Variants in MYO3A observed in about 807,000 individuals in gnomAD.
MYO3A encodes the protein myosin-IIIa.
Under a neutral mutation model 192.7 loss-of-function variants are expected in MYO3A, and 180 were observed. That is an observed-to-expected ratio of 0.93 (90% CI 0.83 to 1.06). MYO3A has a LOEUF of 1.06. Among genes scored for constraint, MYO3A ranks in the 50% least tolerant of loss-of-function variants. MYO3A has a pLI of 0.00. For synonymous variants in MYO3A, 628 were observed against 645.3 expected (o/e 0.97, Z 0.41); for missense variants, 1,896 against 1,905.0 (o/e 1.00, Z 0.09).
intron 20 of MYO3A, among the ~76,000 whole-genome samples, chr10:26,132,517 A>G (rs1445164380): frequency 6.6e-6 from 1 of 152,232 alleles, no homozygotes; most frequent in Non-Finnish European, 1.5e-5. Flanking sequence ...CTTAAGGGCC[A>G]GTGAGCACCT....
chr10:25,945,457 T>C (rs1836773903), intron 2 of MYO3A, among the ~76,000 whole-genome samples: 1 of 152,156 alleles, frequency 6.6e-6, no homozygotes, highest in Non-Finnish European at 1.5e-5. Flanking sequence ...ACTGTGGATA[T>C]TGAAATCTAC....
At chr10:26,045,338 A>T (rs577293555) in intron 10 of MYO3A, among the ~76,000 whole-genome samples, 1 of 152,038 alleles carries the variant, frequency 6.6e-6, no homozygotes, top group East Asian at 1.9e-4. Flanking sequence ...TATGACACTT[A>T]TTGTACCCCT....
At chr10:25,974,860 A>G (rs1838878461) in intron 4 of MYO3A, among the ~76,000 whole-genome samples, 1 of 152,220 alleles carries the variant, frequency 6.6e-6, no homozygotes, top group Non-Finnish European at 1.5e-5. Context: ...AGAAAGAAAT[A>G]ATCAGTCTTA....
intron 10 of MYO3A, among the ~76,000 whole-genome samples, chr10:26,044,361 A>G (rs1564489164): frequency 1.3e-5 from 2 of 152,208 alleles, no homozygotes; most frequent in Admixed American, 6.5e-5. Flanking sequence ...TATGAGTTGC[A>G]GTCTTTGTGG....
intron 23 of MYO3A, 24 bp downstream of exon 23, chr10:26,147,583 A>G: frequency 1.2e-6 from 2 of 1,613,764 alleles, no homozygotes; most frequent in Non-Finnish European, 8.5e-7. Context: ...CCTTACCTGG[A>G]AGTTTTCTGA....
chr10:25,949,062 T>C (rs1046385876), intron 2 of MYO3A, among the ~76,000 whole-genome samples: 1 of 152,124 alleles, frequency 6.6e-6, no homozygotes, highest in African/African-American at 2.4e-5. Flanking sequence ...CTGAATCTTT[T>C]CCTGGTCAGT....
chr10:26,108,480 C>T (rs200758105), intron 17 of MYO3A, among the ~76,000 whole-genome samples: 30 of 152,186 alleles, frequency 2.0e-4, no homozygotes, highest in African/African-American at 4.6e-4. Flanking sequence ...TGCTAATAGA[C>T]GTGAAACTTT....
chr10:26,180,725 A>C (rs1050863248), intron 31 of MYO3A, among the ~76,000 whole-genome samples: 1 of 144,916 alleles, frequency 6.9e-6, no homozygotes, highest in Non-Finnish European at 1.5e-5. Flanking sequence ...AAAAAAAAAA[A>C]TCAATACCTT....
intron 2 of MYO3A, among the ~76,000 whole-genome samples, chr10:25,947,187 A>G (rs1253434381): frequency 6.6e-6 from 1 of 151,784 alleles, no homozygotes; most frequent in Non-Finnish European, 1.5e-5. Context: ...TCTTCTGCCT[A>G]TTCAAGTCTG....
chr10:26,020,055 C>CAT lies in MYO3A; in HGVS notation c.586-1439_586-1438dup, dbSNP rs1296503854. Among the ~76,000 whole-genome samples, 227 of 152,228 alleles carry CAT rather than the reference C, an allele frequency of 1.5e-3. 3 individuals carry two copies. Among genetic ancestry groups the CAT allele is most frequent in the African/African-American group, 5.3e-3 (221 of 41,554 alleles). ...AAACTATTCTGTCTTTATATATAGA[C>CAT]ATATATATATGCACATATATGCACA... On this transcript the variant is annotated intron_variant, in intron 7 of 34. Transcript: ENST00000642920.
intron 20 of MYO3A, among the ~76,000 whole-genome samples, chr10:26,138,573 G>A (rs1405585045): frequency 6.6e-6 from 1 of 152,150 alleles, no homozygotes; most frequent in African/African-American, 2.4e-5. Flanking sequence ...AAATTTCCAA[G>A]CTTGGGGCTT....
intron 26 of MYO3A, among the ~76,000 whole-genome samples, chr10:26,164,659 G>A (rs1263550731): frequency 1.3e-5 from 2 of 152,160 alleles, no homozygotes; most frequent in African/African-American, 4.8e-5. Context: ...CATCCACAGG[G>A]AGCCGACTGT....
At chr10:26,121,893 C>T (rs1006021421) in intron 18 of MYO3A, among the ~76,000 whole-genome samples, 3 of 152,304 alleles carry the variant, frequency 2.0e-5, no homozygotes, top group South Asian at 4.1e-4. Flanking sequence ...GACCTGTCCC[C>T]AGCATCCCTA....
chr10:26,189,931 C>T (rs559822705), intron 31 of MYO3A, among the ~76,000 whole-genome samples: 1 of 152,194 alleles, frequency 6.6e-6, no homozygotes, highest in South Asian at 2.1e-4. Flanking sequence ...GGCGCAGTGG[C>T]AAGCACCTGT....
chr10:26,007,899 C>T (rs183981248), intron 6 of MYO3A, among the ~76,000 whole-genome samples: 8 of 151,904 alleles, frequency 5.3e-5, no homozygotes, highest in Non-Finnish European at 1.2e-4. Flanking sequence ...GTTCATATGG[C>T]ACCAAAAAAG....
At chr10:26,050,540 G>T (rs1168141457) in intron 10 of MYO3A, among the ~76,000 whole-genome samples, 1 of 152,110 alleles carries the variant, frequency 6.6e-6, no homozygotes, top group Non-Finnish European at 1.5e-5. Context: ...TTTTACTTGT[G>T]TCTATGCTTT....
At chr10:26,102,191 G>T (rs112100057) in intron 17 of MYO3A, among the ~76,000 whole-genome samples, 283 of 152,242 alleles carry the variant, frequency 1.9e-3, no homozygotes, top group African/African-American at 5.9e-3. Flanking sequence ...GATTGAATCA[G>T]CTACTGAAGC....
chr10:26,060,276 AATACATAC>A (rs879733502), intron 10 of MYO3A, among the ~76,000 whole-genome samples: 6,840 of 120,950 alleles, frequency 0.057, 221 homozygotes, highest in Middle Eastern at 0.12. Flanking sequence ...TAAATAAATA[AATACATAC>A]ATAAATAAAT....
intron 25 of MYO3A, among the ~76,000 whole-genome samples, chr10:26,155,988 T>A (rs1841085424): frequency 6.6e-6 from 1 of 152,204 alleles, no homozygotes; most frequent in Non-Finnish European, 1.5e-5. Context: ...TTTTTAAAGC[T>A]ATTTTCATTC....
Sources: allele counts gnomAD v4.1 joint callset (sites outside exome capture counted in the v4.1 genomes callset), GRCh38; gene constraint gnomAD v4.1.1; transcripts MANE v1.5; gene names NCBI Gene and HGNC (gene_info 2026-07-23, HGNC 2026-07-21).